Variants in ADAM12 observed in about 807,000 individuals in gnomAD.
ADAM12 encodes the protein disintegrin and metalloproteinase domain-containing protein 12.
A neutral mutation model predicts 106.4 loss-of-function variants in ADAM12; 70 were observed. The ratio of observed to expected loss-of-function variants is 0.66; its 90% CI spans 0.54 to 0.80. ADAM12 has a LOEUF of 0.80. Ranked by LOEUF, ADAM12 falls within the 30% of genes least tolerant of loss-of-function variation. The pLI is 0.00. For missense variants in ADAM12, 1,010 were observed against 1,171.9 expected (o/e 0.86, Z 2.02); for synonymous variants, 420 against 433.5 (o/e 0.97, Z 0.39).
intron 3 of ADAM12, among the ~76,000 whole-genome samples, chr10:126,221,533 T>G (rs1446473148): frequency 6.6e-6 from 1 of 152,222 alleles, no homozygotes; most frequent in Non-Finnish European, 1.5e-5. Flanking sequence ...TGGGTGATTT[T>G]AACATAGCGA....
intron 3 of ADAM12, among the ~76,000 whole-genome samples, chr10:126,270,020 T>C (rs1299845628): frequency 6.6e-6 from 1 of 152,208 alleles, no homozygotes; most frequent in Non-Finnish European, 1.5e-5. Flanking sequence ...GGAATTTAGC[T>C]CTTACTCAGG....
chr10:126,258,255 C>A (rs929428353), intron 3 of ADAM12, among the ~76,000 whole-genome samples: 1 of 152,176 alleles, frequency 6.6e-6, no homozygotes, highest in Non-Finnish European at 1.5e-5. Context: ...CTGTCTTTGT[C>A]CTCATTAGAG....
chr10:126,142,755 TAAG>T (rs1479472031), intron 4 of ADAM12, among the ~76,000 whole-genome samples: 1 of 152,196 alleles, frequency 6.6e-6, no homozygotes, highest in Non-Finnish European at 1.5e-5. Flanking sequence ...CATGGCATCA[TAAG>T]AAGGTGAAGT....
At chr10:126,089,039 C>T (rs776736127) in intron 11 of ADAM12, among the ~76,000 whole-genome samples, 12 of 152,098 alleles carry the variant, frequency 7.9e-5, no homozygotes, top group African/African-American at 2.2e-4. Flanking sequence ...GTGCACAACA[C>T]GAACACGCTG....
chr10:126,240,928 G>A (rs1958509849), intron 3 of ADAM12, among the ~76,000 whole-genome samples: 1 of 152,238 alleles, frequency 6.6e-6, no homozygotes, highest in Admixed American at 6.5e-5. Context: ...GCTTGCTATG[G>A]CATAGGCCAA....
chr10:126,046,774 G>A (rs1004273960), intron 16 of ADAM12, among the ~76,000 whole-genome samples: 1 of 127,466 alleles, frequency 7.8e-6, no homozygotes, highest in Non-Finnish European at 1.6e-5. Flanking sequence ...CTGCACTCCA[G>A]TCTGGCGACA....
At chr10:126,225,087 G>A (rs984151702) in intron 3 of ADAM12, among the ~76,000 whole-genome samples, 1 of 152,220 alleles carries the variant, frequency 6.6e-6, no homozygotes, top group Non-Finnish European at 1.5e-5. Context: ...CCACTGTTTC[G>A]ACTGCTTTCA....
intron 22 of ADAM12, among the ~76,000 whole-genome samples, chr10:126,018,357 G>A (rs1292874262): frequency 6.6e-6 from 1 of 152,190 alleles, no homozygotes; most frequent in Non-Finnish European, 1.5e-5. Context: ...TTGGGGGCAG[G>A]AAAGCCTGAT....
At chr10:126,028,235 A>C (rs1953912705) in intron 21 of ADAM12, among the ~76,000 whole-genome samples, 1 of 152,212 alleles carries the variant, frequency 6.6e-6, no homozygotes, top group African/African-American at 2.4e-5. Flanking sequence ...AAGCAATATG[A>C]AAATGGCCAT....
At chr10:126,110,104 G>A (rs979295344) in intron 6 of ADAM12, among the ~76,000 whole-genome samples, 3 of 152,046 alleles carry the variant, frequency 2.0e-5, no homozygotes, top group African/African-American at 7.2e-5. Context: ...ATGGATTATT[G>A]GAGCAGCAAA....
rs974149736 is a variant in ADAM12 at position 126,204,068 on chromosome 10, G to A, written c.261-48763C>T. Among the ~76,000 whole-genome samples, 4 of 152,226 alleles carry A rather than the reference G, an allele frequency of 2.6e-5. No homozygotes were observed. The South Asian group carries it at 8.3e-4, about 31-fold the overall frequency. On this transcript the variant is annotated intron_variant, in intron 3 of 22. Coordinates refer to ENST00000448723, the MANE Select transcript of ADAM12 (RefSeq NM_001288973.2). ...AGGAGCTGCCAATGCAAGGCTGCCA[G>A]TGGCGAATGCTTTGGCTGCTGAACC... is the stretch of plus-strand genomic sequence containing the variant.
chr10:126,219,496 C>G (rs1958050574), intron 3 of ADAM12, among the ~76,000 whole-genome samples: 1 of 152,146 alleles, frequency 6.6e-6, no homozygotes, highest in African/African-American at 2.4e-5. Flanking sequence ...TATAAAATGT[C>G]CACATTTTAT....
chr10:126,201,103 A>G (rs1402574127), intron 3 of ADAM12, among the ~76,000 whole-genome samples: 2 of 152,180 alleles, frequency 1.3e-5, no homozygotes, highest in Non-Finnish European at 2.9e-5. Flanking sequence ...ATGGTTATTG[A>G]ACAACGGAGT....
At chr10:126,321,643 G>A (rs556683851) in intron 2 of ADAM12, among the ~76,000 whole-genome samples, 5 of 152,152 alleles carry the variant, frequency 3.3e-5, no homozygotes, top group Non-Finnish European at 7.3e-5. Context: ...TCTTGTTGAA[G>A]AAAGCCAGAT....
intron 11 of ADAM12, among the ~76,000 whole-genome samples, chr10:126,079,878 C>T (rs1955179391): frequency 6.6e-6 from 1 of 152,154 alleles, no homozygotes; most frequent in South Asian, 2.1e-4. Context: ...TCAGTGCGAT[C>T]GTTGATAAGA....
intron 3 of ADAM12, among the ~76,000 whole-genome samples, chr10:126,239,185 A>G (rs553750519): frequency 6.6e-6 from 1 of 152,380 alleles, no homozygotes; most frequent in East Asian, 1.9e-4. Flanking sequence ...TAATTCAAGT[A>G]ACACCACATG....
At chr10:126,026,653 AC>A (rs746440949) in intron 21 of ADAM12, among the ~76,000 whole-genome samples, 1 of 152,182 alleles carries the variant, frequency 6.6e-6, no homozygotes, top group Non-Finnish European at 1.5e-5. Context: ...AACCTGAACA[AC>A]CTGCTCCTGA....
At chr10:126,079,122 C>T (rs79204957) in intron 11 of ADAM12, among the ~76,000 whole-genome samples, 1 of 152,176 alleles carries the variant, frequency 6.6e-6, no homozygotes, top group East Asian at 1.9e-4. Flanking sequence ...GGCCTAGCAA[C>T]CTGTATTTTA....
At chr10:126,305,725 GA>G (rs1960816596) in intron 2 of ADAM12, among the ~76,000 whole-genome samples, 1 of 151,766 alleles carries the variant, frequency 6.6e-6, no homozygotes, top group Admixed American at 6.6e-5. Context: ...TATATATTTT[GA>G]AAAAATCCTA....
Sources: allele counts gnomAD v4.1 joint callset (sites outside exome capture counted in the v4.1 genomes callset), GRCh38; gene constraint gnomAD v4.1.1; transcripts MANE v1.5; gene names NCBI Gene and HGNC (gene_info 2026-07-23, HGNC 2026-07-21).